The following PDE12 variants were observed in gnomAD, a reference collection of about 807,000 sequenced individuals.
PDE12 encodes the protein phosphodiesterase 12.
A neutral mutation model predicts 45.4 loss-of-function variants in PDE12; 26 were observed. The observed-to-expected ratio is 0.57, with a 90% CI of 0.42 to 0.79. The LOEUF is 0.79. PDE12 is among the 30% of genes least tolerant of loss of function. PDE12 has a pLI of 0.00. For synonymous variants in PDE12, 283 were observed against 323.9 expected, an observed-to-expected ratio of 0.87 and a Z score of 1.36; for missense variants, 668 against 790.0, an observed-to-expected ratio of 0.85 and a Z score of 1.85.
chr3:57,607,129 C>T, the PDE12 span, among the ~76,000 whole-genome samples: 1 of 152,286 alleles, frequency 6.6e-6, no homozygotes, highest in South Asian at 2.1e-4. Context: ...GATACCTAGG[C>T]AAACAGGGTC....
the PDE12 span, chr3:57,626,057 T>G: frequency 6.6e-6 from 1 of 152,652 alleles, no homozygotes; most frequent in East Asian, 1.9e-4. Flanking sequence ...ATGAAATACT[T>G]TTAGCATATA....
chr3:57,579,570 G>A, the PDE12 span, among the ~76,000 whole-genome samples: 1 of 152,046 alleles, frequency 6.6e-6, no homozygotes, highest in South Asian at 2.1e-4. Flanking sequence ...TTACAGGTGT[G>A]AGCCACCGCG....
the PDE12 span, among the ~76,000 whole-genome samples, chr3:57,589,585 GCTGGCGC>G: frequency 6.6e-6 from 1 of 151,762 alleles, no homozygotes; most frequent in Non-Finnish European, 1.5e-5. Flanking sequence ...AGGCGTGGTG[GCTGGCGC>G]CTGTAAACCC....
the PDE12 span, among the ~76,000 whole-genome samples, chr3:57,641,307 ATATT>A: frequency 6.9e-6 from 1 of 144,030 alleles, no homozygotes; most frequent in African/African-American, 2.5e-5. Context: ...ATTTAAATAT[ATATT>A]TATATTCAAT....
At chr3:57,632,289 G>A in the PDE12 span, among the ~76,000 whole-genome samples, 3 of 151,844 alleles carry the variant, frequency 2.0e-5, no homozygotes, top group Non-Finnish European at 2.9e-5. Context: ...CTCCAAAAGT[G>A]CTGGGATTAC....
At chr3:57,650,417 T>TAC in the PDE12 span, among the ~76,000 whole-genome samples, 2 of 80,088 alleles carry the variant, frequency 2.5e-5, no homozygotes, top group Non-Finnish European at 5.7e-5. Flanking sequence ...TACATGCATT[T>TAC]ACATACACAC....
rs2069755114 is a variant in PDE12, at chr3:57,564,082, A to G, written c.*4078A>G. 1 of 152,120 alleles carries G rather than the reference A, an allele frequency of 6.6e-6. No homozygotes were observed. The highest frequency in any genetic ancestry group is 1.5e-5 in the Non-Finnish European group (1 of 68,012). 9.4% of individuals were successfully genotyped at this position (152,120 alleles called of 1,614,324 possible). On this transcript the variant is annotated 3_prime_UTR_variant, in exon 3 of 3. Transcript: ENST00000311180. ...AGCACTAACTTCAAAATAACCATAC[A>G]GTACTGCTTGTAATTTTTGTATTTT...
In PDE12 at chr3:57,559,923, A is replaced by C. The variant is rs756056542; in HGVS notation, c.1749A>C (p.Glu583Asp). The C allele has an allele frequency of 6.2e-7, 1 of 1,613,920 alleles. No individual in the cohort carries two copies. Among genetic ancestry groups the C allele is most frequent in the South Asian group, 1.1e-5 (1 of 91,090 alleles). ...EQVIPLPSHEEVTTHQALPSV... is the reference protein window; with the variant it reads ...EQVIPLPSHEDVTTHQALPSV... ...TGATTCCATTACCTAGTCATGAAGAAGTTACCACCCACCAGGCCTTACCTA... is the reference window on the plus strand; with the variant it reads ...TGATTCCATTACCTAGTCATGAAGACGTTACCACCCACCAGGCCTTACCTA... Residue 583 changes from glutamate (E) to aspartate (D), a missense_variant, in exon 3 of 3, where the codon GAA (glutamate) becomes GAC (aspartate). Around this residue, in one of 3 missense-constraint regions of PDE12, gnomAD observed 79 missense variants for 97.9 expected, o/e 0.81. Coordinates refer to ENST00000311180, the MANE Select transcript of PDE12 (RefSeq NM_177966.7).
the PDE12 span, among the ~76,000 whole-genome samples, chr3:57,579,600 A>G: frequency 6.6e-6 from 1 of 151,680 alleles, no homozygotes; most frequent in Non-Finnish European, 1.5e-5. Flanking sequence ...ATCCTACATC[A>G]TTTTCTGTTT....
the PDE12 span, among the ~76,000 whole-genome samples, chr3:57,588,091 G>T: frequency 6.6e-6 from 1 of 152,118 alleles, no homozygotes; most frequent in Non-Finnish European, 1.5e-5. Flanking sequence ...TCCACAAAAT[G>T]AAAACTATTA....
chr3:57,643,374 C>A, the PDE12 span, among the ~76,000 whole-genome samples: 1 of 152,246 alleles, frequency 6.6e-6, no homozygotes, highest in East Asian at 1.9e-4. Context: ...ATTAAGACTT[C>A]TATCTTCTAT....
At chr3:57,607,128 G>A in the PDE12 span, among the ~76,000 whole-genome samples, 4 of 152,154 alleles carry the variant, frequency 2.6e-5, no homozygotes, top group Admixed American at 1.3e-4. Flanking sequence ...TGATACCTAG[G>A]CAAACAGGGT....
At chr3:57,585,881 T>C in the PDE12 span, among the ~76,000 whole-genome samples, 1 of 152,030 alleles carries the variant, frequency 6.6e-6, no homozygotes, top group Non-Finnish European at 1.5e-5. Context: ...AGGCTGGTCT[T>C]GAACTCCTGA....
chr3:57,630,429 A>C, the PDE12 span: 1 of 1,583,890 alleles, frequency 6.3e-7, no homozygotes, highest in Non-Finnish European at 8.5e-7. Context: ...ACCTCTTCAC[A>C]AAGAGCTTCT....
At chr3:57,586,955 G>A in the PDE12 span, among the ~76,000 whole-genome samples, 113,344 of 151,264 alleles carry the variant, frequency 0.75, 44,415 homozygotes, top group East Asian at 1. Flanking sequence ...ACACACACAC[G>A]CACACACACA....
At position 57,556,861 on chromosome 3, in the gene PDE12, C is replaced by G. The variant is rs2069667718; in HGVS notation, c.482C>G (p.Pro161Arg). The G allele has an allele frequency of 6.2e-7, 1 of 1,614,072 alleles. No individual in the cohort carries two copies. Among genetic ancestry groups the G allele is most frequent in the Non-Finnish European group, 8.5e-7 (1 of 1,180,034 alleles). ...GDVKYKVERN[P>R]PAFTELQLPR... ...GTTAAGTACAAGGTGGAGCGCAACC[C>G]GCCCGCCTTCACCGAACTGCAGTTG... Residue 161 changes from proline to arginine, a missense_variant, in exon 1 of 3, where the codon CCG (proline) becomes CGG (arginine). Pro to Arg is a moderately radical substitution (Grantham distance 103, BLOSUM62 -2). Transcript: ENST00000311180. This position sits in a 1 kb window ranked among gnomAD's most constrained non-coding sequence, Gnocchi z 5.0.
rs2069739966 is a variant in PDE12 at position 57,562,713 on chromosome 3, T to C, written c.*2709T>C. ...TTATAAAAGAGTATTTCAGAACATA[T>C]TATTCTGTTAAAATGAACTCTTGCA... On this transcript the variant is annotated 3_prime_UTR_variant, in exon 3 of 3. Coordinates refer to ENST00000311180, the MANE Select transcript of PDE12 (RefSeq NM_177966.7). The C allele has an allele frequency of 6.6e-6, 1 of 152,236 alleles. No homozygotes were observed. The highest frequency in any genetic ancestry group is 2.4e-5 in the African/African-American group (1 of 41,466). 9.4% of individuals were successfully genotyped at this position (152,236 alleles called of 1,614,324 possible).
chr3:57,650,445 C>CACACAT, the PDE12 span, among the ~76,000 whole-genome samples: 1 of 149,372 alleles, frequency 6.7e-6, no homozygotes, highest in Non-Finnish European at 1.5e-5. Flanking sequence ...CACACACACA[C>CACACAT]ATACATACAC....
At chr3:57,639,381 T>C in the PDE12 span, among the ~76,000 whole-genome samples, 1 of 152,208 alleles carries the variant, frequency 6.6e-6, no homozygotes, top group Admixed American at 6.5e-5. Context: ...TATCAATTCA[T>C]GCTGCTCTAC....
Sources: allele counts gnomAD v4.1 joint callset (sites outside exome capture counted in the v4.1 genomes callset), GRCh38; gene constraint gnomAD v4.1.1; regional missense constraint gnomAD v4.1.1; non-coding constraint Gnocchi (gnomAD v3.1); transcripts MANE v1.5; gene names NCBI Gene and HGNC (gene_info 2026-07-23, HGNC 2026-07-21).